Variants in OPCML observed in about 807,000 individuals in gnomAD.
OPCML encodes opioid binding protein/cell adhesion molecule like.
OPCML carries 13 observed loss-of-function variants against 37.8 expected under a neutral mutation model. That is an observed-to-expected ratio of 0.34 (90% CI 0.22 to 0.55). The LOEUF (loss-of-function observed/expected upper bound fraction) is 0.55, where lower values mean the gene tolerates loss of function less well. Ranked by LOEUF, OPCML falls within the 20% of genes least tolerant of loss-of-function variation. The probability of loss-of-function intolerance (pLI) is 0.91; values close to 1 mark genes in which losing one functional copy is unlikely to be tolerated. For synonymous variants in OPCML, 176 were observed against 168.8 expected (o/e 1.04, Z -0.33); for missense variants, 341 against 435.6 (o/e 0.78, Z 1.93).
intron 3 of OPCML, among the ~76,000 whole-genome samples, chr11:132,542,430 C>T (rs1057050753): frequency 1.3e-5 from 2 of 152,156 alleles, no homozygotes; most frequent in Admixed American, 1.3e-4. Flanking sequence ...TTCCATGACC[C>T]TTCTTCTAAG....
At chr11:133,248,151 G>A (rs1941011783) in intron 1 of OPCML, among the ~76,000 whole-genome samples, 1 of 152,206 alleles carries the variant, frequency 6.6e-6, no homozygotes, top group Non-Finnish European at 1.5e-5. Context: ...GCAATGGAAG[G>A]AGATAAGACC....
chr11:133,333,046 C>CTGG, intron 1 of OPCML, among the ~76,000 whole-genome samples: 1 of 151,224 alleles, frequency 6.6e-6, no homozygotes, highest in African/African-American at 2.4e-5. Context: ...AGTAGTAGTA[C>CTGG]TAGTAGTAGT....
intron 1 of OPCML, among the ~76,000 whole-genome samples, chr11:133,457,629 A>G (rs1946700937): frequency 6.6e-6 from 1 of 151,962 alleles, no homozygotes; most frequent in Non-Finnish European, 1.5e-5. Flanking sequence ...CCATATATAT[A>G]TATGGTCTCA....
chr11:133,146,999 T>C (rs1592048640), intron 1 of OPCML, among the ~76,000 whole-genome samples: 1 of 152,278 alleles, frequency 6.6e-6, no homozygotes, highest in Middle Eastern at 3.4e-3. Context: ...TGCAGGAGAC[T>C]CCAATGAATG....
chr11:132,927,206 A>G (rs1945024530), intron 2 of OPCML, among the ~76,000 whole-genome samples: 1 of 152,140 alleles, frequency 6.6e-6, no homozygotes. Flanking sequence ...AGCTCAATGA[A>G]CTTTAAGTAG....
chr11:132,602,711 T>G (rs1938005704), intron 3 of OPCML, among the ~76,000 whole-genome samples: 1 of 152,190 alleles, frequency 6.6e-6, no homozygotes, highest in Non-Finnish European at 1.5e-5. Context: ...CTCACCCCTA[T>G]CTCTTAAGTA....
intron 2 of OPCML, among the ~76,000 whole-genome samples, chr11:132,832,496 C>T (rs1565896300): frequency 6.6e-6 from 1 of 152,140 alleles, no homozygotes; most frequent in Non-Finnish European, 1.5e-5. Flanking sequence ...AAATGATGTG[C>T]AACTTACATG....
rs374540429 is a variant in OPCML, at chr11:132,662,694, A to G, written c.147-5375T>C. ...CAGAATTCCCAAGAAATGCCCTTCC[A>G]TGGCCTCATGCCAGACGTTGAATGG... On this transcript the variant is annotated intron_variant, in intron 2 of 7. Transcript: ENST00000524381. 2.8e-4 allele frequency among the ~76,000 whole-genome samples: 43 copies of G among 152,374 alleles called. 1 individual carries two copies. The highest frequency in any genetic ancestry group is 9.6e-4 in the African/African-American group (40 of 41,600).
chr11:133,065,166 C>G (rs1948421273), intron 1 of OPCML: 1 of 152,516 alleles, frequency 6.6e-6, no homozygotes, highest in African/African-American at 2.4e-5. Context: ...GAAGGCGGCC[C>G]AGAGCCTTGG....
At chr11:132,672,733 A>C (rs183781705) in intron 2 of OPCML, among the ~76,000 whole-genome samples, 12 of 152,084 alleles carry the variant, frequency 7.9e-5, no homozygotes, top group African/African-American at 2.9e-4. Context: ...CCCCATATTC[A>C]CCCAGCCCCA....
chr11:132,487,691 C>T (rs376678720), intron 4 of OPCML, among the ~76,000 whole-genome samples: 31 of 152,224 alleles, frequency 2.0e-4, no homozygotes, highest in South Asian at 6.2e-4. Flanking sequence ...ATCTTATTAC[C>T]TGGCCAGATA....
At chr11:132,703,096 A>G (rs1029215850) in intron 2 of OPCML, among the ~76,000 whole-genome samples, 1 of 152,138 alleles carries the variant, frequency 6.6e-6, no homozygotes, top group African/African-American at 2.4e-5. Flanking sequence ...TTGCTTGACA[A>G]CAAAGATATG....
intron 1 of OPCML, among the ~76,000 whole-genome samples, chr11:133,035,664 C>T (rs1043943518): frequency 2.0e-5 from 3 of 152,112 alleles, no homozygotes; most frequent in African/African-American, 7.2e-5. Context: ...TGTCAAAGTC[C>T]TAACTCTTAG....
chr11:133,084,012 C>T (rs879421527), intron 1 of OPCML, among the ~76,000 whole-genome samples: 1 of 152,094 alleles, frequency 6.6e-6, no homozygotes, highest in African/African-American at 2.4e-5. Flanking sequence ...TGCATGCTCC[C>T]GCCTCGTCTC....
chr11:133,437,496 A>T (rs1946258993), intron 1 of OPCML, among the ~76,000 whole-genome samples: 1 of 152,136 alleles, frequency 6.6e-6, no homozygotes, highest in Admixed American at 6.5e-5. Flanking sequence ...GGTCTGGTAC[A>T]CATTTCCTTC....
intron 2 of OPCML, among the ~76,000 whole-genome samples, chr11:132,744,941 C>T (rs1338898354): frequency 6.6e-6 from 1 of 151,812 alleles, no homozygotes; most frequent in Admixed American, 6.5e-5. Flanking sequence ...GAGCAGGCAG[C>T]TCATCAAGGA....
chr11:132,702,343 CT>C (rs1157768030), intron 2 of OPCML, among the ~76,000 whole-genome samples: 3 of 152,148 alleles, frequency 2.0e-5, no homozygotes, highest in African/African-American at 7.2e-5. Flanking sequence ...TTGTTTAACG[CT>C]TCTTTCCCCC....
intron 1 of OPCML, among the ~76,000 whole-genome samples, chr11:133,172,341 T>C (rs1222637959): frequency 1.3e-5 from 2 of 152,074 alleles, no homozygotes; most frequent in Non-Finnish European, 2.9e-5. Flanking sequence ...CAGCACCGAG[T>C]GCTTAGAAAA....
At chr11:132,932,854 A>G (rs1466632024) in intron 2 of OPCML, among the ~76,000 whole-genome samples, 1 of 151,978 alleles carries the variant, frequency 6.6e-6, no homozygotes, top group Non-Finnish European at 1.5e-5. Flanking sequence ...TGAAGTGGAT[A>G]TCTATTCCTT....
Sources: gnomAD v4.1 joint callset for allele counts (sites outside exome capture counted in the v4.1 genomes callset) on GRCh38, gnomAD v4.1.1 for gene constraint, MANE v1.5 for transcripts, NCBI Gene and HGNC (gene_info 2026-07-23, HGNC 2026-07-21) for gene names.